The following SPOCK3 variants were observed in gnomAD, a reference collection of about 807,000 sequenced individuals.
SPOCK3 encodes the protein testican-3.
A neutral mutation model predicts 56.6 loss-of-function variants in SPOCK3; 30 were observed. The ratio of observed to expected loss-of-function variants is 0.53; its 90% confidence interval spans 0.40 to 0.72. The LOEUF (loss-of-function observed/expected upper bound fraction) is 0.72. Among genes scored for constraint, SPOCK3 ranks in the 30% least tolerant of loss-of-function variants. SPOCK3 has a pLI of 0.00. For synonymous variants in SPOCK3, 196 were observed against 183.3 expected, an observed-to-expected ratio of 1.07 and a Z score of -0.56; for missense variants, 527 against 530.0, an observed-to-expected ratio of 0.99 and a Z score of 0.06.
At chr4:167,158,076 T>A (rs931660984) in intron 2 of SPOCK3, among the ~76,000 whole-genome samples, 1 of 151,978 alleles carries the variant, frequency 6.6e-6, no homozygotes, top group Admixed American at 6.6e-5. Context: ...AATATTAACA[T>A]AGATATTTGA....
At chr4:166,873,207 T>TA (rs901690340) in intron 6 of SPOCK3, among the ~76,000 whole-genome samples, 4,492 of 129,998 alleles carry the variant, frequency 0.035, 152 homozygotes, top group African/African-American at 0.09. Context: ...ATGAAGAAGT[T>TA]AAAAAAAAAA....
At chr4:166,898,015 A>AT (rs1239206967) in intron 5 of SPOCK3, among the ~76,000 whole-genome samples, 5 of 151,740 alleles carry the variant, frequency 3.3e-5, no homozygotes, top group African/African-American at 1.2e-4. Context: ...ACATAGTGAG[A>AT]TCCCATCTCT....
intron 2 of SPOCK3, among the ~76,000 whole-genome samples, chr4:167,145,878 G>A (rs1210431852): frequency 6.6e-6 from 1 of 152,070 alleles, no homozygotes; most frequent in Non-Finnish European, 1.5e-5. Flanking sequence ...AAAGACCATA[G>A]ATGCTATGAA....
intron 6 of SPOCK3, among the ~76,000 whole-genome samples, chr4:166,816,346 T>C (rs764485500): frequency 1.6e-4 from 25 of 152,100 alleles, no homozygotes; most frequent in Non-Finnish European, 3.2e-4. Flanking sequence ...GTCTCAACCT[T>C]CTTTATATAT....
intron 2 of SPOCK3, among the ~76,000 whole-genome samples, chr4:167,176,627 C>G (rs1731007714): frequency 6.6e-6 from 1 of 151,796 alleles, no homozygotes; most frequent in African/African-American, 2.4e-5. Context: ...TCTTTCAGTT[C>G]TTGGGTATCA....
At chr4:167,202,633 C>A (rs866560201) in intron 2 of SPOCK3, among the ~76,000 whole-genome samples, 1 of 146,586 alleles carries the variant, frequency 6.8e-6, no homozygotes, top group Non-Finnish European at 1.5e-5. Flanking sequence ...CTATTACAAA[C>A]CATGTTGCCA....
At chr4:167,151,670 C>T (rs1764439345) in intron 2 of SPOCK3, among the ~76,000 whole-genome samples, 1 of 151,992 alleles carries the variant, frequency 6.6e-6, no homozygotes, top group Non-Finnish European at 1.5e-5. Flanking sequence ...CTCCTGACCT[C>T]GTGATCCGCC....
At chr4:166,832,927 G>A (rs1019156445) in intron 6 of SPOCK3, among the ~76,000 whole-genome samples, 1 of 152,090 alleles carries the variant, frequency 6.6e-6, no homozygotes, top group African/African-American at 2.4e-5. Flanking sequence ...AGGTGGACGA[G>A]GATTGAAAAA....
chr4:166,855,793 G>T (rs1338932625), intron 6 of SPOCK3, among the ~76,000 whole-genome samples: 1 of 152,036 alleles, frequency 6.6e-6, no homozygotes, highest in Non-Finnish European at 1.5e-5. Flanking sequence ...GTGGGGAGGG[G>T]CCTGGAAATT....
rs570160422 is a variant in SPOCK3, at chr4:167,201,397, A to G, written c.189+32588T>C. Reference sequence around the variant, plus strand: ...CACATCCCAAAATTCTACAAAATATATGAGAATTGGGAAGACAAAAATATG... The same window carrying G: ...CACATCCCAAAATTCTACAAAATATGTGAGAATTGGGAAGACAAAAATATG... On this transcript the variant is annotated intron_variant, in intron 2 of 10. Coordinates refer to ENST00000357545, the MANE Select transcript of SPOCK3 (RefSeq NM_001040159.2). 1.6e-4 allele frequency among the ~76,000 whole-genome samples: 25 copies of G among 152,086 alleles called. 1 individual carries two copies. The highest frequency in any genetic ancestry group is 5.8e-4 in the African/African-American group (24 of 41,566).
chr4:167,064,083 T>C (rs1315597231), intron 2 of SPOCK3, among the ~76,000 whole-genome samples: 3 of 151,864 alleles, frequency 2.0e-5, no homozygotes, highest in Non-Finnish European at 4.4e-5. Flanking sequence ...CTGACTTCAA[T>C]CATAGAAATA....
chr4:167,232,915 G>A (rs1737323727), intron 2 of SPOCK3, among the ~76,000 whole-genome samples: 3 of 152,184 alleles, frequency 2.0e-5, no homozygotes, highest in Admixed American at 6.5e-5. Context: ...CCTAAATGGT[G>A]ACTGAGTCGG....
At chr4:166,962,923 C>T (rs947435830) in intron 4 of SPOCK3, among the ~76,000 whole-genome samples, 5 of 152,008 alleles carry the variant, frequency 3.3e-5, no homozygotes, top group Non-Finnish European at 1.5e-5. Flanking sequence ...CATGCAAAGA[C>T]CACAACATGG....
intron 4 of SPOCK3, among the ~76,000 whole-genome samples, chr4:166,943,532 A>C (rs1210169167): frequency 6.6e-6 from 1 of 152,258 alleles, no homozygotes; most frequent in Admixed American, 6.5e-5. Flanking sequence ...CAGAAATGTC[A>C]GGCTAAAAAC....
intron 2 of SPOCK3, among the ~76,000 whole-genome samples, chr4:167,100,630 A>G (rs568358889): frequency 6.6e-6 from 1 of 152,310 alleles, no homozygotes; most frequent in East Asian, 1.9e-4. Context: ...TAAAATATCA[A>G]CTGAAAAGCA....
At chr4:167,098,894 T>C (rs1759395407) in intron 2 of SPOCK3, among the ~76,000 whole-genome samples, 1 of 152,028 alleles carries the variant, frequency 6.6e-6, no homozygotes, top group South Asian at 2.1e-4. Flanking sequence ...TCAAAATGCC[T>C]GTAACATTTT....
At chr4:167,057,968 A>G (rs1247616000) in intron 3 of SPOCK3, among the ~76,000 whole-genome samples, 1 of 152,132 alleles carries the variant, frequency 6.6e-6, no homozygotes, top group African/African-American at 2.4e-5. Context: ...CTCCACCCCA[A>G]ATCAACAGAA....
intron 2 of SPOCK3, among the ~76,000 whole-genome samples, chr4:167,186,179 T>A (rs539778289): frequency 5.0e-4 from 76 of 152,332 alleles, no homozygotes; most frequent in Non-Finnish European, 8.4e-4. Context: ...TAAAATATTA[T>A]ACCTGGATAT....
intron 2 of SPOCK3, among the ~76,000 whole-genome samples, chr4:167,086,050 C>G (rs913584940): frequency 6.6e-6 from 1 of 152,008 alleles, no homozygotes; most frequent in African/African-American, 2.4e-5. Context: ...TACAGTTCTT[C>G]ACTAATGTAT....
Sources: gnomAD v4.1 joint callset for allele counts (sites outside exome capture counted in the v4.1 genomes callset) on GRCh38, gnomAD v4.1.1 for gene constraint, MANE v1.5 for transcripts, NCBI Gene and HGNC (gene_info 2026-07-23, HGNC 2026-07-21) for gene names.